The following HTRA1 variants were observed in gnomAD, a reference collection of about 807,000 sequenced individuals.
HTRA1 encodes the protein HtrA serine peptidase 1.
A neutral mutation model predicts 49.7 loss-of-function variants in HTRA1; 26 were observed. That is an observed-to-expected ratio of 0.52 (90% CI 0.38 to 0.73). The LOEUF is 0.73. HTRA1 is among the 30% of genes least tolerant of loss of function. The probability of loss-of-function intolerance (pLI) is 0.00; values close to 1 mark genes in which losing one functional copy is unlikely to be tolerated. For missense variants in HTRA1, 561 were observed against 667.2 expected, an observed-to-expected ratio of 0.84 and a Z score of 1.75; for synonymous variants, 291 against 286.9, an observed-to-expected ratio of 1.01 and a Z score of -0.14.
intron 1 of HTRA1, among the ~76,000 whole-genome samples, chr10:122,480,636 G>A (rs566142365): frequency 2.8e-4 from 42 of 152,264 alleles, no homozygotes; most frequent in East Asian, 3.9e-4. Context: ...TCCTGCTGGC[G>A]TGGCGTGAGT....
intron 3 of HTRA1, among the ~76,000 whole-genome samples, chr10:122,492,768 G>C (rs570543600): frequency 8.5e-5 from 13 of 152,166 alleles, no homozygotes; most frequent in Non-Finnish European, 1.3e-4. Flanking sequence ...TCATCGGACA[G>C]CGTAGGTGGG....
At position 122,489,545 on chromosome 10, in the gene HTRA1, G is replaced by A; in HGVS notation, c.696G>A (p.Leu232=). ...ACAAGCACCGGGTCAAAGTTGAGCT[G>A]AAGAACGGTGCCACTTACGAAGCCA... is the stretch of plus-strand genomic sequence containing the variant. ...VTNKHRVKVE[L]KNGATYEAKI... The change falls in exon 3 of 9, where the codon CTG becomes CTA. Residue 232 remains leucine, a synonymous_variant. Transcript: ENST00000368984. The A allele has an allele frequency of 1.2e-6, 2 of 1,614,214 alleles. No homozygotes were observed. Among genetic ancestry groups the A allele is most frequent in the Non-Finnish European group, 1.7e-6 (2 of 1,180,034 alleles).
Position 122,461,857 on chromosome 10 carries a change from G to C in HTRA1, c.205G>C (p.Gly69Arg). 3 of 1,193,844 alleles carry C rather than the reference G, an allele frequency of 2.5e-6. No individual in the cohort carries two copies. Among genetic ancestry groups the C allele is most frequent in the East Asian group, 3.8e-5 (1 of 26,242 alleles). The allele number at this position is 1,193,844 out of a possible 1,614,324, so 74.0% of individuals were successfully genotyped here. Residue 69 changes from glycine to arginine, a missense_variant, in exon 1 of 9, where the codon GGC (glycine) becomes CGC (arginine). By Grantham distance (125) the Gly-to-Arg change is moderately radical. This residue lies in a region of HTRA1 where 271 missense variants were observed against 410.0 expected (regional missense o/e 0.66). Transcript: ENST00000368984. ...RDACGCCEVC[G>R]APEGAACGLQ... is the part of the protein sequence containing the mutation. ...CGCGTGCGGCTGCTGCGAGGTGTGC[G>C]GCGCGCCCGAGGGCGCCGCGTGCGG...
intron 1 of HTRA1, among the ~76,000 whole-genome samples, chr10:122,483,932 C>T (rs181154386): frequency 2.6e-5 from 4 of 152,256 alleles, no homozygotes; most frequent in Non-Finnish European, 4.4e-5. Context: ...CATTGATAAA[C>T]GCAGTCATAT....
At chr10:122,467,993 C>G (rs142084270) in intron 1 of HTRA1, among the ~76,000 whole-genome samples, 1 of 152,152 alleles carries the variant, frequency 6.6e-6, no homozygotes, top group African/African-American at 2.4e-5. Context: ...CCATCACTGC[C>G]GGAAAGATGC....
At chr10:122,498,819 A>T (rs2097499757) in intron 3 of HTRA1, among the ~76,000 whole-genome samples, 1 of 152,160 alleles carries the variant, frequency 6.6e-6, no homozygotes, top group African/African-American at 2.4e-5. Flanking sequence ...ATAAAGCCCT[A>T]TGAGCTAATG....
chr10:122,482,180 A>G (rs2097491310), intron 1 of HTRA1, among the ~76,000 whole-genome samples: 1 of 152,198 alleles, frequency 6.6e-6, no homozygotes, highest in Non-Finnish European at 1.5e-5. Context: ...TTCAATAAGC[A>G]TGATTACTTA....
chr10:122,485,801 C>T (rs2097492847), intron 1 of HTRA1, among the ~76,000 whole-genome samples: 1 of 152,172 alleles, frequency 6.6e-6, no homozygotes, highest in Non-Finnish European at 1.5e-5. Flanking sequence ...GTTAATGATC[C>T]TTAGTGGGAA....
Position 122,506,864 on chromosome 10 carries a change from C to A in HTRA1, c.951C>A (p.Ile317=), listed in dbSNP as rs751506884. 6.2e-7 allele frequency: 1 copy of A among 1,613,672 alleles called. No homozygotes were observed. Among genetic ancestry groups the A allele is most frequent in the South Asian group, 1.1e-5 (1 of 91,072 alleles). The part of the protein sequence containing the change: ...LGLRNSDMDY[I]QTDAIINYGN... Reference sequence around the variant, plus strand: ...TCCGCAACTCAGACATGGACTACATCCAGACCGACGCCATCATCAACGTGA... The same window carrying A: ...TCCGCAACTCAGACATGGACTACATACAGACCGACGCCATCATCAACGTGA... Residue 317 remains isoleucine, a synonymous_variant, in exon 4 of 9, where the codon ATC becomes ATA. Transcript: ENST00000368984. The surrounding 1 kb of genome is among the most constrained non-coding windows in gnomAD (Gnocchi z 5.2).
intron 5 of HTRA1, 50 bp downstream of exon 5, chr10:122,507,452 C>A (rs753594229): frequency 9.3e-6 from 13 of 1,391,736 alleles, no homozygotes; most frequent in Non-Finnish European, 1.3e-5. Flanking sequence ...TCTATGTATA[C>A]GCTGTTTTTT....
intron 3 of HTRA1, among the ~76,000 whole-genome samples, chr10:122,492,808 G>A (rs763412570): frequency 2.0e-5 from 3 of 152,032 alleles, no homozygotes; most frequent in Non-Finnish European, 4.4e-5. Context: ...TACCCTCTGT[G>A]GCCAAGGAGT....
At chr10:122,489,365 T>C (rs2097494643) in intron 2 of HTRA1, 57 bp from the exon 3 acceptor site, 6 of 1,478,372 alleles carry the variant, frequency 4.1e-6, no homozygotes. Context: ...AATCAATGCG[T>C]TGAAGCGTTC....
At chr10:122,511,250 C>T (rs2097505437) in intron 7 of HTRA1, among the ~76,000 whole-genome samples, 1 of 152,114 alleles carries the variant, frequency 6.6e-6, no homozygotes. Flanking sequence ...CTCATCTGAT[C>T]CTCACAACTC....
chr10:122,461,610 C>A lies in HTRA1; in HGVS notation c.-43C>A. On this transcript the variant is annotated 5_prime_UTR_variant, in exon 1 of 9. Coordinates refer to ENST00000368984, the MANE Select transcript of HTRA1 (RefSeq NM_002775.5). ...ACTCTCCCCGGCGCCGCTCTCCGGC[C>A]CTCGCCCTGTCCGCCGCCACCGCCG... The A allele has an allele frequency of 9.0e-6, 11 of 1,224,348 alleles. No individual in the cohort carries two copies. Among genetic ancestry groups the A allele is most frequent in the Non-Finnish European group, 1.2e-5 (11 of 941,302 alleles). 75.8% of individuals were successfully genotyped at this position (1,224,348 alleles called of 1,614,324 possible).
At chr10:122,508,863 C>G (rs1398464949) in intron 6 of HTRA1, 93 bp downstream of exon 6, 19 of 792,292 alleles carry the variant, frequency 2.4e-5, no homozygotes, top group African/African-American at 1.7e-5. Context: ...AGCGGCAGCC[C>G]CTAGGACTAG....
At chr10:122,475,156 T>C (rs1591027017) in intron 1 of HTRA1, among the ~76,000 whole-genome samples, 1 of 152,304 alleles carries the variant, frequency 6.6e-6, no homozygotes, top group African/African-American at 2.4e-5. Context: ...CCTCCTTCAC[T>C]TCACCTGCCA....
rs1436133407 is a variant in HTRA1, at chr10:122,506,545, A to T, written c.778-146A>T. 9.8e-6 allele frequency: 7 copies of T among 717,798 alleles called. No individual in the cohort carries two copies. The highest frequency in any genetic ancestry group is 1.5e-5 in the Non-Finnish European group (6 of 404,522). The allele number at this position is 717,798 out of a possible 1,614,324, so 44.5% of individuals were successfully genotyped here. A position where few individuals can be genotyped will look rare whatever the true frequency, so the allele number is the denominator to read the frequency against. On this transcript the variant is annotated intron_variant, in intron 3 of 8. Coordinates refer to ENST00000368984, the MANE Select transcript of HTRA1 (RefSeq NM_002775.5). This position sits in a 1 kb window ranked among gnomAD's most constrained non-coding sequence, Gnocchi z 5.2. The stretch of plus-strand genomic sequence containing the variant: ...ATCCAGTCCTGCCCGCAGCAAAGGG[A>T]TGTTAGTTGTGAGCTCAGTTCCCCA...
chr10:122,493,140 G>A (rs532667311), intron 3 of HTRA1, among the ~76,000 whole-genome samples: 3 of 152,308 alleles, frequency 2.0e-5, no homozygotes. Flanking sequence ...GGACCCGGAA[G>A]AGCTTTTGGG....
Position 122,470,825 on chromosome 10 carries a change from A to C in HTRA1, c.472+8701A>C, listed in dbSNP as rs2097485787. On this transcript the variant is annotated intron_variant, in intron 1 of 8. Coordinates refer to ENST00000368984, the MANE Select transcript of HTRA1 (RefSeq NM_002775.5). ...CCAACACCAAGAATAGTGAAGCCAG[A>C]AGGATGGAAATAGTAAAATGCCTCC... Among the ~76,000 whole-genome samples, 3 of 152,058 alleles carry C rather than the reference A, an allele frequency of 2.0e-5. No homozygotes were observed. The South Asian group carries it at 6.2e-4, about 32-fold the overall frequency.
Sources: allele counts gnomAD v4.1 joint callset (sites outside exome capture counted in the v4.1 genomes callset), GRCh38; gene constraint gnomAD v4.1.1; regional missense constraint gnomAD v4.1.1; non-coding constraint Gnocchi (gnomAD v3.1); transcripts MANE v1.5; gene names NCBI Gene and HGNC (gene_info 2026-07-23, HGNC 2026-07-21).